The following COMMD1 variants were observed in gnomAD, a reference collection of about 807,000 sequenced individuals.
COMMD1 encodes the protein copper metabolism domain containing 1.
COMMD1 carries 10 observed loss-of-function variants against 17.2 expected under a neutral mutation model. That is an observed-to-expected ratio of 0.58 (90% CI 0.36 to 0.99). COMMD1 has a LOEUF of 0.99. COMMD1 is among the 50% of genes least tolerant of loss of function. The pLI, the probability that COMMD1 is intolerant of heterozygous loss-of-function variation, is 0.01. For missense variants in COMMD1, 270 were observed against 231.8 expected, an observed-to-expected ratio of 1.17 and a Z score of -1.07; for synonymous variants, 97 against 91.6, an observed-to-expected ratio of 1.06 and a Z score of -0.34.
intron 1 of COMMD1, among the ~76,000 whole-genome samples, chr2:61,930,641 G>A (rs1214553061): frequency 1.3e-5 from 2 of 151,926 alleles, no homozygotes; most frequent in African/African-American, 2.4e-5. Flanking sequence ...GTGTGTGTGT[G>A]TGTGTGTGTG....
At chr2:61,892,992 C>T (rs911733865) in intron 1 of COMMD1, among the ~76,000 whole-genome samples, 3 of 151,848 alleles carry the variant, frequency 2.0e-5, no homozygotes, top group Admixed American at 6.6e-5. Flanking sequence ...CTCAACCTCC[C>T]GAGTAGCTGG....
At chr2:62,052,248 C>T (rs1670557465) in intron 2 of COMMD1, among the ~76,000 whole-genome samples, 1 of 151,972 alleles carries the variant, frequency 6.6e-6, no homozygotes. Flanking sequence ...CCCAGGAGTT[C>T]GAGACCAGCC....
chr2:61,951,754 A>C (rs1302697632), intron 1 of COMMD1, among the ~76,000 whole-genome samples: 2 of 152,198 alleles, frequency 1.3e-5, no homozygotes, highest in Non-Finnish European at 2.9e-5. Context: ...TATCACTCCC[A>C]AAAATTTCTC....
At chr2:61,973,737 G>A (rs1215013362) in intron 1 of COMMD1, among the ~76,000 whole-genome samples, 1 of 152,156 alleles carries the variant, frequency 6.6e-6, no homozygotes, top group Non-Finnish European at 1.5e-5. Flanking sequence ...TGAATTTAAA[G>A]AATAGTATTT....
chr2:62,055,492 G>A (rs1194772902), intron 2 of COMMD1: 1 of 455,792 alleles, frequency 2.2e-6, no homozygotes, highest in South Asian at 1.6e-5. Flanking sequence ...TATATGTGGC[G>A]ACCGGCTATC....
In COMMD1 at chr2:61,916,997, C is replaced by T. The variant is rs980048021; in HGVS notation, c.180+11139C>T. Among the ~76,000 whole-genome samples the T allele has an allele frequency of 3.3e-5, 5 of 152,078 alleles. No individual in the cohort carries two copies. In the South Asian group the frequency reaches 6.2e-4, roughly 19 times the overall value. ...TATTATTTTAAAAGCATAATTTGATCCTGCTTGCTAAATACCTGGGAAATT... is the reference window on the plus strand; with the variant it reads ...TATTATTTTAAAAGCATAATTTGATTCTGCTTGCTAAATACCTGGGAAATT... On this transcript the variant is annotated intron_variant, in intron 1 of 2. Coordinates refer to ENST00000311832, the MANE Select transcript of COMMD1 (RefSeq NM_152516.4).
At chr2:61,958,969 C>G (rs966746561) in intron 1 of COMMD1, among the ~76,000 whole-genome samples, 3 of 152,060 alleles carry the variant, frequency 2.0e-5, no homozygotes, top group East Asian at 1.9e-4. Flanking sequence ...TTAAAGGCCG[C>G]GAACACTGAT....
intron 1 of COMMD1, among the ~76,000 whole-genome samples, chr2:61,941,895 A>T (rs1281035591): frequency 6.6e-6 from 1 of 152,162 alleles, no homozygotes; most frequent in Non-Finnish European, 1.5e-5. Context: ...CTCTGATTTT[A>T]ATAGTTACTT....
upstream of COMMD1, among the ~76,000 whole-genome samples, chr2:61,904,784 C>T (rs145606427): frequency 1.4e-4 from 21 of 152,272 alleles, no homozygotes; most frequent in East Asian, 2.9e-3. Flanking sequence ...CTTCCACTTC[C>T]GGAATGTTTT....
At chr2:62,102,844 G>A (rs1422068493) in intron 2 of COMMD1, among the ~76,000 whole-genome samples, 1 of 152,220 alleles carries the variant, frequency 6.6e-6, no homozygotes, top group Non-Finnish European at 1.5e-5. Flanking sequence ...CCCACACCCA[G>A]AAGGAAGGAA....
intron 1 of COMMD1, among the ~76,000 whole-genome samples, chr2:61,970,988 G>GC (rs1671634867): frequency 6.6e-6 from 1 of 152,106 alleles, no homozygotes; most frequent in African/African-American, 2.4e-5. Flanking sequence ...GCTCACTGTG[G>GC]CCCCCTGTCT....
chr2:61,978,509 T>C (rs1671866182), intron 1 of COMMD1, among the ~76,000 whole-genome samples: 1 of 152,342 alleles, frequency 6.6e-6, no homozygotes, highest in African/African-American at 2.4e-5. Flanking sequence ...TATCATTATC[T>C]TGAGGTTCAT....
At chr2:61,905,566 C>T, upstream of COMMD1, 1 of 1,092,492 alleles carries the variant, frequency 9.2e-7, no homozygotes, top group Non-Finnish European at 1.3e-6. Context: ...GGAAGCCTTG[C>T]CTCCAGGTTC....
intron 2 of COMMD1, among the ~76,000 whole-genome samples, chr2:62,041,559 T>G (rs1366571846): frequency 6.7e-6 from 1 of 150,238 alleles, no homozygotes; most frequent in Admixed American, 6.7e-5. Flanking sequence ...GGCCAATTCT[T>G]TCTGTGTTTT....
intron 1 of COMMD1, among the ~76,000 whole-genome samples, chr2:61,969,976 G>A (rs1051811985): frequency 5.3e-5 from 8 of 151,890 alleles, no homozygotes; most frequent in African/African-American, 1.2e-4. Context: ...TAATCATAGC[G>A]CTGGGCACAG....
intron 1 of COMMD1, among the ~76,000 whole-genome samples, chr2:61,963,825 C>T (rs1339594715): frequency 6.6e-6 from 1 of 152,158 alleles, no homozygotes; most frequent in Non-Finnish European, 1.5e-5. Context: ...GGCACCGTGC[C>T]GTCAGCATGT....
At chr2:61,973,103 G>T (rs746317578) in intron 1 of COMMD1, among the ~76,000 whole-genome samples, 2 of 152,086 alleles carry the variant, frequency 1.3e-5, no homozygotes, top group Non-Finnish European at 2.9e-5. Flanking sequence ...ATACAGTTCT[G>T]ATTTGTTTAC....
intron 1 of COMMD1, among the ~76,000 whole-genome samples, chr2:61,957,084 ATGCGTG>A (rs1347976227): frequency 2.3e-5 from 2 of 87,824 alleles, no homozygotes; most frequent in African/African-American, 8.9e-5. Context: ...AGGAAGATGG[ATGCGTG>A]TGTGTGTGTG....
chr2:62,070,563 AAC>A (rs1671171754), intron 2 of COMMD1, among the ~76,000 whole-genome samples: 1 of 151,364 alleles, frequency 6.6e-6, no homozygotes, highest in Admixed American at 6.6e-5. Context: ...AAAAAAAAAA[AAC>A]AACTAAAAGA....
Sources: gnomAD v4.1 joint callset for allele counts (sites outside exome capture counted in the v4.1 genomes callset) on GRCh38, gnomAD v4.1.1 for gene constraint, MANE v1.5 for transcripts, NCBI Gene and HGNC (gene_info 2026-07-23, HGNC 2026-07-21) for gene names.